ADGRD1: variants seen among roughly 807,000 people sequenced by gnomAD.
ADGRD1 encodes the protein adhesion G protein-coupled receptor D1.
ADGRD1 carries 77 observed loss-of-function variants against 113.4 expected under a neutral mutation model. The observed-to-expected ratio is 0.68, with a 90% CI of 0.57 to 0.82. The LOEUF (loss-of-function observed/expected upper bound fraction) is 0.82. Ranked by LOEUF, ADGRD1 falls within the 40% of genes least tolerant of loss-of-function variation. The probability of loss-of-function intolerance (pLI) is 0.00; values close to 1 mark genes in which losing one functional copy is unlikely to be tolerated. For synonymous variants in ADGRD1, 474 were observed against 475.0 expected (o/e 1.00, Z 0.03); for missense variants, 1,036 against 1,139.1 (o/e 0.91, Z 1.30).
At chr12:131,000,310 GGGGAAAACTGAA>G in intron 8 of ADGRD1, 61 bp from the exon 9 acceptor site, 1 of 1,140,882 alleles carries the variant, frequency 8.8e-7, no homozygotes, top group Non-Finnish European at 1.3e-6. Context: ...TGGAAGATGC[GGGGAAAACTGAA>G]GGTCTTCAAG....
rs1028723254 is a variant in ADGRD1, at chr12:131,057,623, G to A, written c.1474-19178G>A. On this transcript the variant is annotated intron_variant, in intron 13 of 24. Transcript: ENST00000261654. This position sits in a 1 kb window ranked among gnomAD's most constrained non-coding sequence, Gnocchi z 4.2. ...ACGGCCTCCTCTTCCGTGTGTCATT[G>A]TCCTTTCCCGCAGTGTACGAGGACA... is the stretch of plus-strand genomic sequence containing the variant. Among the ~76,000 whole-genome samples, 6 of 152,172 alleles carry A rather than the reference G, an allele frequency of 3.9e-5. No individual in the cohort carries two copies. Among genetic ancestry groups the A allele is most frequent in the Non-Finnish European group, 7.3e-5 (5 of 68,032 alleles).
chr12:130,986,018 CT>C (rs139868024), intron 5 of ADGRD1, among the ~76,000 whole-genome samples: 44,221 of 150,638 alleles, frequency 0.29, 7,979 homozygotes, highest in Admixed American at 0.41. Flanking sequence ...TCCCACAGAT[CT>C]ATTCATCTGT....
At chr12:131,008,718 G>A (rs1877496329) in intron 12 of ADGRD1, among the ~76,000 whole-genome samples, 1 of 152,220 alleles carries the variant, frequency 6.6e-6, no homozygotes, top group African/African-American at 2.4e-5. Context: ...TTTTACGGGT[G>A]CTCGTGCTAG....
At chr12:131,020,010 T>C (rs57140199) in intron 13 of ADGRD1, among the ~76,000 whole-genome samples, 9 of 80,032 alleles carry the variant, frequency 1.1e-4, no homozygotes, top group African/African-American at 2.4e-4. Context: ...GGCAGGACCC[T>C]GAGCTCCATC....
intron 12 of ADGRD1, among the ~76,000 whole-genome samples, chr12:131,008,286 C>T (rs926043910): frequency 2.6e-5 from 4 of 152,236 alleles, no homozygotes; most frequent in African/African-American, 7.2e-5. Flanking sequence ...AGCTGCCGTG[C>T]GGGCAGCACG....
chr12:130,982,675 G>A (rs1873158643), intron 5 of ADGRD1, among the ~76,000 whole-genome samples: 1 of 152,222 alleles, frequency 6.6e-6, no homozygotes, highest in African/African-American at 2.4e-5. Flanking sequence ...ACTGGACTGT[G>A]CGTGGTCTTG....
rs753839111 is a variant in ADGRD1, at chr12:131,120,899, C to G, written c.2161C>G (p.Leu721Val). ...CATCTGGGCCTTTGTAGCCCCTGCC[C>G]TGTTTGTCATCGTGGTACGTTTCCT... is the stretch of plus-strand genomic sequence containing the variant. ...GAIWAFVAPA[L>V]FVIVVNIGIL... is the part of the protein sequence containing the mutation. Residue 721 changes from leucine to valine, a missense_variant, in exon 20 of 25, where the codon CTG (leucine) becomes GTG (valine). Coordinates refer to ENST00000261654, the MANE Select transcript of ADGRD1 (RefSeq NM_198827.5). 6.2e-7 allele frequency: 1 copy of G among 1,614,138 alleles called. No individual in the cohort carries two copies. The highest frequency in any genetic ancestry group is 8.5e-7 in the Non-Finnish European group (1 of 1,179,996).
intron 2 of ADGRD1, among the ~76,000 whole-genome samples, chr12:130,961,071 A>G (rs1038002181): frequency 6.6e-6 from 1 of 152,240 alleles, no homozygotes; most frequent in African/African-American, 2.4e-5. Context: ...TCTGTGTGAT[A>G]TAGATTCCAG....
At position 131,103,165 on chromosome 12, in the gene ADGRD1, C is replaced by T. The variant is rs533612162; in HGVS notation, c.1672-1666C>T. On this transcript the variant is annotated intron_variant, in intron 15 of 24. Transcript: ENST00000261654. ...GGTCCTTGCCTGCTGAGGCCTGAGCCGGCGTTCAGCACAGGTGGCTCTGCC... is the reference window on the plus strand; with the variant it reads ...GGTCCTTGCCTGCTGAGGCCTGAGCTGGCGTTCAGCACAGGTGGCTCTGCC... Among the ~76,000 whole-genome samples, 6 of 152,370 alleles carry T rather than the reference C, an allele frequency of 3.9e-5. No homozygotes were observed. In the South Asian group the frequency reaches 6.2e-4, roughly 16 times the overall value.
intron 5 of ADGRD1, among the ~76,000 whole-genome samples, 186 bp downstream of exon 5, chr12:130,982,249 T>C (rs1873097849): frequency 6.6e-6 from 1 of 152,196 alleles, no homozygotes; most frequent in South Asian, 2.1e-4. Context: ...GTGCCCTTGG[T>C]AAGCCGCCTT....
At chr12:130,986,608 A>G (rs1873716269) in intron 5 of ADGRD1, among the ~76,000 whole-genome samples, 1 of 152,030 alleles carries the variant, frequency 6.6e-6, no homozygotes, top group African/African-American at 2.4e-5. Context: ...GTTTTATTGC[A>G]TCCTTCCCAA....
rs1331293098 is a variant in ADGRD1 at position 131,075,613 on chromosome 12, G to C, written c.1474-1188G>C. Among the ~76,000 whole-genome samples the C allele has an allele frequency of 6.6e-6, 1 of 152,244 alleles. No individual in the cohort carries two copies. The highest frequency in any genetic ancestry group is 1.9e-4 in the East Asian group (1 of 5,192). On this transcript the variant is annotated intron_variant, in intron 13 of 24. Transcript: ENST00000261654. This position sits in a 1 kb window ranked among gnomAD's most constrained non-coding sequence, Gnocchi z 5.3. ...TAATTGGGTTGAGGCTGGAGGAGCTGTCAGACAGATGCTGCGATGATAGCC... is the reference window on the plus strand; with the variant it reads ...TAATTGGGTTGAGGCTGGAGGAGCTCTCAGACAGATGCTGCGATGATAGCC...
At chr12:131,101,473 C>T (rs1950086235) in intron 15 of ADGRD1, among the ~76,000 whole-genome samples, 1 of 137,520 alleles carries the variant, frequency 7.3e-6, no homozygotes, top group Non-Finnish European at 1.5e-5. Flanking sequence ...CTGCAACCTT[C>T]ACCTCCCGGG....
At chr12:131,044,472 T>C (rs1018938405) in intron 13 of ADGRD1, among the ~76,000 whole-genome samples, 2 of 152,186 alleles carry the variant, frequency 1.3e-5, no homozygotes, top group Admixed American at 1.3e-4. Context: ...CAGCTCCTGG[T>C]CTCAGAGGAC....
At position 131,084,408 on chromosome 12, in the gene ADGRD1, A is replaced by G; in HGVS notation, c.1548-132A>G. 1 of 905,640 alleles carries G rather than the reference A, an allele frequency of 1.1e-6. No homozygotes were observed. The highest frequency in any genetic ancestry group is 1.7e-6 in the Non-Finnish European group (1 of 572,858). 56.1% of individuals were successfully genotyped at this position (905,640 alleles called of 1,614,324 possible). On this transcript the variant is annotated intron_variant, in intron 14 of 24. Transcript: ENST00000261654. This position sits in a 1 kb window ranked among gnomAD's most constrained non-coding sequence, Gnocchi z 4.5. ...CCCCCACACCACGGTCTGGGTGTGC[A>G]TTCCTGGCGTGGCAGGTGTGGGCGC...
chr12:131,084,601 T>C lies in ADGRD1; in HGVS notation c.1609T>C (p.Ser537Pro). 1 of 1,614,056 alleles carries C rather than the reference T, an allele frequency of 6.2e-7. No homozygotes were observed. Among genetic ancestry groups the C allele is most frequent in the Non-Finnish European group, 8.5e-7 (1 of 1,179,986 alleles). ...CALTRGNLTY[S>P]VCRCTHLTNF... is the part of the protein sequence containing the mutation. Reference sequence around the variant, plus strand: ...GCTCACGAGAGGAAACCTCACCTACTCCGTCTGCCGCTGCACTCACCTCAC... The same window carrying C: ...GCTCACGAGAGGAAACCTCACCTACCCCGTCTGCCGCTGCACTCACCTCAC... The change falls in exon 15 of 25, where the codon TCC (serine) becomes CCC (proline). Residue 537 changes from serine (S) to proline (P), a missense_variant. Coordinates refer to ENST00000261654, the MANE Select transcript of ADGRD1 (RefSeq NM_198827.5). The surrounding 1 kb of genome is among the most constrained non-coding windows in gnomAD (Gnocchi z 4.5).
rs1366823205 is a variant in ADGRD1 at position 130,965,655 on chromosome 12, A to T, written c.104-808A>T. On this transcript the variant is annotated intron_variant, in intron 2 of 24. Transcript: ENST00000261654. This position sits in a 1 kb window ranked among gnomAD's most constrained non-coding sequence, Gnocchi z 4.8. ...ACATGTTATGGGGCAGCCACTCAAGAGACTGTTACCCAAACTCAATTATGA... is the reference window on the plus strand; with the variant it reads ...ACATGTTATGGGGCAGCCACTCAAGTGACTGTTACCCAAACTCAATTATGA... Among the ~76,000 whole-genome samples, 1 of 152,258 alleles carries T rather than the reference A, an allele frequency of 6.6e-6. No homozygotes were observed. The highest frequency in any genetic ancestry group is 1.5e-5 in the Non-Finnish European group (1 of 68,048).
chr12:130,994,253 A>T (rs551605898), intron 8 of ADGRD1: 14 of 453,502 alleles, frequency 3.1e-5, no homozygotes, highest in South Asian at 1.7e-4. Flanking sequence ...GCCCCGAGAC[A>T]GGGCTTGGTA....
rs189587990 is a variant in ADGRD1 at position 130,959,980 on chromosome 12, C to T, written c.103+5320C>T. Among the ~76,000 whole-genome samples, 784 of 152,260 alleles carry T rather than the reference C, an allele frequency of 5.1e-3. 5 individuals are homozygous for T. Among genetic ancestry groups the T allele is most frequent in the Middle Eastern group, 0.02 (6 of 294 alleles). Reference sequence around the variant, plus strand: ...AGGGAAATCCAGGGTCGGCAGAGTCCGGGCCCCTCCCCACATCTGGAAGCT... The same window carrying T: ...AGGGAAATCCAGGGTCGGCAGAGTCTGGGCCCCTCCCCACATCTGGAAGCT... On this transcript the variant is annotated intron_variant, in intron 2 of 24. Coordinates refer to ENST00000261654, the MANE Select transcript of ADGRD1 (RefSeq NM_198827.5).
Sources: gnomAD v4.1 joint callset for allele counts (sites outside exome capture counted in the v4.1 genomes callset) on GRCh38, gnomAD v4.1.1 for gene constraint, Gnocchi (gnomAD v3.1) non-coding constraint, MANE v1.5 for transcripts, NCBI Gene and HGNC (gene_info 2026-07-23, HGNC 2026-07-21) for gene names.